INTS6L: variants seen among roughly 807,000 people sequenced by gnomAD.
The protein encoded by INTS6L is integrator complex subunit 6 like.
A neutral mutation model predicts 64.7 loss-of-function variants in INTS6L; 18 were observed. The observed-to-expected ratio is 0.28, with a 90% CI of 0.19 to 0.41. The LOEUF (loss-of-function observed/expected upper bound fraction) is 0.41. Ranked by LOEUF, INTS6L falls within the 10% of genes least tolerant of loss-of-function variation. INTS6L has a pLI of 1.00. For missense variants in INTS6L, 533 were observed against 661.0 expected (o/e 0.81, Z 2.12); for synonymous variants, 227 against 235.9 (o/e 0.96, Z 0.34).
chrX:135,563,609 A>G (rs1556523183), intron 9 of INTS6L, among the ~76,000 whole-genome samples: 1 of 90,177 alleles, frequency 1.1e-5, no homozygotes, highest in African/African-American at 4.3e-5. Flanking sequence ...ATACATATGT[A>G]TATATCCATA....
chrX:135,545,302 A>T, intron 2 of INTS6L, 121 bp from the exon 3 acceptor site: 1 of 899,628 alleles, frequency 1.1e-6, no homozygotes, highest in Non-Finnish European at 1.5e-6. Flanking sequence ...AAGATATAGA[A>T]TAGAATTAGG....
At position 135,520,956 on chromosome X, in the gene INTS6L, G is replaced by A. The variant is rs1304404194; in HGVS notation, c.-37G>A. On this transcript the variant is annotated 5_prime_UTR_variant, in exon 1 of 18. Transcript: ENST00000639893. ...ACGCGGCAGTGAGGGCAAGAGGGCC[G>A]GGAGAGTGGGGAGCGGAGGCAGGAG... 35 of 1,182,057 alleles carry A rather than the reference G, an allele frequency of 3.0e-5. No individual in the cohort carries two copies. Among genetic ancestry groups the A allele is most frequent in the Admixed American group, 4.4e-5 (2 of 45,411 alleles).
At chrX:135,527,616 A>T (rs183369145) in intron 2 of INTS6L, among the ~76,000 whole-genome samples, 1 of 112,391 alleles carries the variant, frequency 8.9e-6, no homozygotes, top group East Asian at 2.8e-4. Flanking sequence ...GAAACTTGTA[A>T]GCTAGATTTT....
intron 2 of INTS6L, 26 bp downstream of exon 2, chrX:135,521,344 A>T (rs372659522): frequency 5.6e-5 from 66 of 1,177,191 alleles, no homozygotes; most frequent in Non-Finnish European, 7.4e-5. Context: ...GTGGGGGGAC[A>T]GGCGGGAAGC....
Position 135,521,247 on chromosome X carries a change from G to A in INTS6L, c.118G>A (p.Ala40Thr). The change falls in exon 2 of 18, where the codon GCC becomes ACC. Residue 40 changes from alanine to threonine, a missense_variant. Physicochemically the swap from Ala to Thr is moderately conservative, Grantham distance 58. Transcript: ENST00000639893. ...GTCATCCCTTGCCCCGCAGCTGCGC[G>A]CCCGGGACCCGGCCAGCCGTGGAGA... is the stretch of plus-strand genomic sequence containing the variant. The part of the protein sequence containing the change: ...GAVELFLKLR[A>T]RDPASRGDRY... The A allele has an allele frequency of 2.5e-6, 3 of 1,207,643 alleles. No individual in the cohort carries two copies. The highest frequency in any genetic ancestry group is 1.8e-5 in the South Asian group (1 of 56,334).
At chrX:135,571,738 A>C (rs2087097627) in intron 11 of INTS6L, 1 of 110,797 alleles carries the variant, frequency 9.0e-6, no homozygotes, top group Admixed American at 9.6e-5. Flanking sequence ...TTTTAATTTG[A>C]TGTTTACCTA....
At position 135,577,253 on chromosome X, in the gene INTS6L, C is replaced by T. The variant is rs782819228; in HGVS notation, c.1945C>T (p.Pro649Ser). The T allele has an allele frequency of 8.3e-7, 1 of 1,211,337 alleles. No homozygotes were observed. Among genetic ancestry groups the T allele is most frequent in the Non-Finnish European group, 1.1e-6 (1 of 895,476 alleles). Residue 649 changes from proline (P) to serine (S), a missense_variant, in exon 15 of 18, where the codon CCA (proline) becomes TCA (serine). Physicochemically the swap from Pro to Ser is moderately conservative, Grantham distance 74. Transcript: ENST00000639893. ...VAGPQNKVKR[P>S]GEPNSPMSSK... ...AGGGCCACAAAACAAAGTGAAACGT[C>T]CAGGGGAACCCAACAGTCCTATGTC...
intron 2 of INTS6L, among the ~76,000 whole-genome samples, chrX:135,539,069 G>T (rs782439749): frequency 2.7e-5 from 3 of 112,031 alleles, no homozygotes; most frequent in Non-Finnish European, 5.6e-5. Context: ...GCTTAAAGTC[G>T]CCAGCTGCAT....
intron 2 of INTS6L, among the ~76,000 whole-genome samples, chrX:135,525,129 T>C (rs2085697202): frequency 8.9e-6 from 1 of 112,377 alleles, no homozygotes; most frequent in Non-Finnish European, 1.9e-5. Flanking sequence ...GTATAATTGT[T>C]GTTTTTAGTC....
chrX:135,574,191 T>A, intron 13 of INTS6L, 129 bp downstream of exon 13: 2 of 810,336 alleles, frequency 2.5e-6, no homozygotes. Flanking sequence ...CTGTTTTCAC[T>A]GAATCCCTAT....
At chrX:135,561,017 A>G (rs1456459501) in intron 9 of INTS6L, among the ~76,000 whole-genome samples, 2 of 99,088 alleles carry the variant, frequency 2.0e-5, no homozygotes, top group African/African-American at 7.4e-5. Context: ...CAGTGGCACA[A>G]TCTCAGCTCA....
chrX:135,577,478 C>G, intron 15 of INTS6L, 51 bp downstream of exon 15: 2 of 1,104,478 alleles, frequency 1.8e-6, no homozygotes, highest in Non-Finnish European at 2.5e-6. Context: ...GACTAAGACG[C>G]TAAACAATTT....
At position 135,521,151 on chromosome X, in the gene INTS6L, AG is replaced by A. The variant is rs782585941; in HGVS notation, c.111+51del. On this transcript the variant is annotated intron_variant, in intron 1 of 17. Transcript: ENST00000639893. ...ATGGGGAGAGCTCCCGAGGGATTTCAGGGTGTGGATTGAGGTGCTTCTGTAA... is the reference window on the plus strand; with the variant it reads ...ATGGGGAGAGCTCCCGAGGGATTTCAGGTGTGGATTGAGGTGCTTCTGTAA... 5 of 1,184,170 alleles carry A rather than the reference AG, an allele frequency of 4.2e-6. No homozygotes were observed. In the African/African-American group the frequency reaches 8.9e-5, roughly 21 times the overall value.
At chrX:135,547,964 G>A in intron 6 of INTS6L, among the ~76,000 whole-genome samples, 1 of 110,568 alleles carries the variant, frequency 9.0e-6, no homozygotes, top group Non-Finnish European at 1.9e-5. Context: ...CCATGGCAAC[G>A]CATTGCAAGA....
intron 2 of INTS6L, among the ~76,000 whole-genome samples, chrX:135,522,054 C>G (rs1200925741): frequency 9.0e-6 from 1 of 111,434 alleles, no homozygotes; most frequent in Non-Finnish European, 1.9e-5. Context: ...CGACGCCAGT[C>G]TCCCCACCCC....
In INTS6L at chrX:135,520,985, G is replaced by C. The variant is rs1192544483; in HGVS notation, c.-8G>C. The C allele has an allele frequency of 8.3e-7, 1 of 1,205,539 alleles. No individual in the cohort carries two copies. The highest frequency in any genetic ancestry group is 1.1e-6 in the Non-Finnish European group (1 of 892,113). On this transcript the variant is annotated 5_prime_UTR_variant, in exon 1 of 18. Coordinates refer to ENST00000639893, the MANE Select transcript of INTS6L (RefSeq NM_001351601.3). ...GAGTGGGGAGCGGAGGCAGGAGTGCGGGGGAAGATGCCCATCCTGCTGTTC... is the reference window on the plus strand; with the variant it reads ...GAGTGGGGAGCGGAGGCAGGAGTGCCGGGGAAGATGCCCATCCTGCTGTTC...
intron 16 of INTS6L, among the ~76,000 whole-genome samples, chrX:135,580,376 G>A (rs895876729): frequency 1.2e-4 from 14 of 112,024 alleles, no homozygotes; most frequent in Non-Finnish European, 2.4e-4. Flanking sequence ...TTTTGCTGCC[G>A]TAACAAGTTA....
intron 14 of INTS6L, among the ~76,000 whole-genome samples, chrX:135,575,625 C>T (rs1397324476): frequency 8.9e-6 from 1 of 112,450 alleles, no homozygotes; most frequent in African/African-American, 3.2e-5. Context: ...TTCCACCACA[C>T]ACTAATTTCT....
rs782606699 is a variant in INTS6L, at chrX:135,577,365, C to T, written c.2057C>T (p.Pro686Leu). ...ACTAACCATGTGGGCGGAAAGGGAC[C>T]ACCCTCAGCCTCGTGGTTCCCATCT... ...TVTNHVGGKGPPSASWFPSYP... is the reference protein window; with the variant it reads ...TVTNHVGGKGLPSASWFPSYP... The change falls in exon 15 of 18, where the codon CCA (proline) becomes CTA (leucine). Residue 686 changes from proline (P) to leucine (L), a missense_variant. Transcript: ENST00000639893. The T allele has an allele frequency of 1.7e-6, 2 of 1,211,869 alleles. No homozygotes were observed. Among genetic ancestry groups the T allele is most frequent in the East Asian group, 5.9e-5 (2 of 33,834 alleles).
Sources: allele counts gnomAD v4.1 joint callset (sites outside exome capture counted in the v4.1 genomes callset), GRCh38; gene constraint gnomAD v4.1.1; transcripts MANE v1.5; gene names NCBI Gene and HGNC (gene_info 2026-07-23, HGNC 2026-07-21).